Variants in SPINK1 observed in about 807,000 individuals in gnomAD.
SPINK1 encodes serine peptidase inhibitor Kazal type 1.
SPINK1 carries 5 observed loss-of-function variants against 9.5 expected under a neutral mutation model. The ratio of observed to expected loss-of-function variants is 0.52; its 90% CI spans 0.27 to 1.10. The LOEUF (loss-of-function observed/expected upper bound fraction) is 1.10, where lower values mean the gene tolerates loss of function less well. Among genes scored for constraint, SPINK1 ranks in the 50% least tolerant of loss-of-function variants. SPINK1 has a pLI of 0.11. For synonymous variants in SPINK1, 37 were observed against 32.3 expected, an observed-to-expected ratio of 1.14 and a Z score of -0.49; for missense variants, 88 against 92.7, an observed-to-expected ratio of 0.95 and a Z score of 0.21.
upstream of SPINK1, among the ~76,000 whole-genome samples, chr5:147,833,411 T>A (rs10515594): frequency 0.13 from 19,842 of 152,170 alleles, 1,377 homozygotes; most frequent in Middle Eastern, 0.22. Flanking sequence ...TGTTCCATAC[T>A]ACTATTTTGA....
chr5:147,826,116 C>T (rs1354511856), intron 3 of SPINK1, among the ~76,000 whole-genome samples: 1 of 152,068 alleles, frequency 6.6e-6, no homozygotes, highest in East Asian at 1.9e-4. Context: ...GGTACAGATT[C>T]CCTTTGAAGA....
At chr5:147,826,537 T>A (rs766429220) in intron 3 of SPINK1, among the ~76,000 whole-genome samples, 11 of 152,206 alleles carry the variant, frequency 7.2e-5, no homozygotes, top group Non-Finnish European at 1.0e-4. Context: ...AATGTTTCAC[T>A]GTAAATGTTG....
At chr5:147,829,466 C>G in intron 2 of SPINK1, 133 bp downstream of exon 2, 1 of 807,472 alleles carries the variant, frequency 1.2e-6, no homozygotes, top group Non-Finnish European at 2.1e-6. Flanking sequence ...ATTTGCATTT[C>G]TCACGTTAAC....
intron 3 of SPINK1, among the ~76,000 whole-genome samples, chr5:147,826,128 G>A (rs545508106): frequency 3.3e-5 from 5 of 152,238 alleles, no homozygotes; most frequent in South Asian, 2.1e-4. Context: ...CTTTGAAGAC[G>A]TAGAAGGAAT....
At chr5:147,837,713 C>CTTTCTTTCTTTCTTTCTTT in the SPINK1 span, among the ~76,000 whole-genome samples, 1 of 120,488 alleles carries the variant, frequency 8.3e-6, no homozygotes, top group Non-Finnish European at 1.8e-5. Context: ...TTCTTTCTTT[C>CTTTCTTTCTTTCTTTCTTT]TTTTTTGGGA....
chr5:147,837,614 T>C, the SPINK1 span, among the ~76,000 whole-genome samples: 526 of 152,226 alleles, frequency 3.5e-3, 5 homozygotes, highest in African/African-American at 0.012. Context: ...GTTCAATTTA[T>C]AGGAAATTTC....
chr5:147,824,750 G>T, intron 3 of SPINK1, 44 bp from the exon 4 acceptor site: 1 of 1,577,898 alleles, frequency 6.3e-7, no homozygotes, highest in Non-Finnish European at 8.7e-7. Flanking sequence ...AAACTTCACT[G>T]ATGAAAAAGT....
At position 147,831,517 on chromosome 5, in the gene SPINK1, A is replaced by C. The variant is rs878954613; in HGVS notation, c.55+6T>G. On this transcript the variant is annotated splice_donor_region_variant and intron_variant, in intron 1 of 3. Coordinates refer to ENST00000296695, the MANE Select transcript of SPINK1 (RefSeq NM_001379610.1). Reference sequence around the variant, plus strand: ...TATTTAAATTTGAAAAATATGCAACACTTACCAGATAGACTCAACAGGGCC... The same window carrying C: ...TATTTAAATTTGAAAAATATGCAACCCTTACCAGATAGACTCAACAGGGCC... 3.1e-6 allele frequency: 5 copies of C among 1,613,360 alleles called. No homozygotes were observed. The highest frequency in any genetic ancestry group is 4.2e-6 in the Non-Finnish European group (5 of 1,179,816).
rs377350168 is a variant in SPINK1 at position 147,824,727 on chromosome 5, A to T, written c.195-21T>A. ...GTTTCCTGCAGTAGAGATTAAAAAAAATATATCAGCTTAAACTTCACTGAT... is the reference window on the plus strand; with the variant it reads ...GTTTCCTGCAGTAGAGATTAAAAAATATATATCAGCTTAAACTTCACTGAT... On this transcript the variant is annotated intron_variant, in intron 3 of 3. Transcript: ENST00000296695. 1.7e-4 allele frequency: 271 copies of T among 1,612,640 alleles called. 1 individual carries two copies. Among genetic ancestry groups the T allele is most frequent in the Admixed American group, 5.7e-4 (34 of 59,982 alleles).
chr5:147,839,052 C>G, the SPINK1 span, among the ~76,000 whole-genome samples: 1 of 152,178 alleles, frequency 6.6e-6, no homozygotes, highest in African/African-American at 2.4e-5. Flanking sequence ...TAAAGACATA[C>G]CCAAGACTGC....
intron 3 of SPINK1, among the ~76,000 whole-genome samples, chr5:147,826,586 T>C (rs972985396): frequency 2.0e-5 from 3 of 152,202 alleles, no homozygotes; most frequent in African/African-American, 7.2e-5. Context: ...AAAGCTGTTG[T>C]TCTCTTGCTT....
the SPINK1 span, among the ~76,000 whole-genome samples, chr5:147,838,439 G>A: frequency 6.6e-6 from 1 of 152,020 alleles, no homozygotes; most frequent in Non-Finnish European, 1.5e-5. Context: ...CTGGCTTCTG[G>A]TCCCATACTC....
chr5:147,829,552 C>G (rs756674208), intron 2 of SPINK1, 47 bp downstream of exon 2: 3 of 1,593,906 alleles, frequency 1.9e-6, no homozygotes, highest in Non-Finnish European at 2.6e-6. Flanking sequence ...TTTGTTGGAT[C>G]AAACTGTTCC....
upstream of SPINK1, among the ~76,000 whole-genome samples, chr5:147,836,306 GT>G (rs1756594673): frequency 6.7e-6 from 1 of 150,352 alleles, no homozygotes; most frequent in African/African-American, 2.4e-5. Context: ...TTGTGTGTGT[GT>G]GTGTGTGTGT....
chr5:147,832,580 C>T (rs750138318), upstream of SPINK1, among the ~76,000 whole-genome samples: 10 of 152,170 alleles, frequency 6.6e-5, no homozygotes, highest in African/African-American at 1.7e-4. Flanking sequence ...CAAAAGATTT[C>T]GGGTTTTTAA....
At position 147,831,563 on chromosome 5, in the gene SPINK1, G is replaced by A. The variant is rs1202542771; in HGVS notation, c.15C>T (p.Gly5=). MKVT[G]IFLLSALALL... ...GGGCCAAGGCACTGAGAAGAAAGAT[G>A]CCTGTTACCTTCATGGCTGAAGTTC... is the stretch of plus-strand genomic sequence containing the variant. The change falls in exon 1 of 4, where the codon GGC becomes GGT. Residue 5 remains glycine (G), a synonymous_variant. Coordinates refer to ENST00000296695, the MANE Select transcript of SPINK1 (RefSeq NM_001379610.1). 2.5e-6 allele frequency: 4 copies of A among 1,613,512 alleles called. No individual in the cohort carries two copies. Among genetic ancestry groups the A allele is most frequent in the East Asian group, 4.5e-5 (2 of 44,814 alleles).
chr5:147,837,686 T>TTTCTTTC, the SPINK1 span, among the ~76,000 whole-genome samples: 5 of 147,884 alleles, frequency 3.4e-5, no homozygotes, highest in Non-Finnish European at 7.4e-5. Context: ...TCTTTCTTTC[T>TTTCTTTC]TTCTTTCTTT....
chr5:147,829,742 T>C (rs1756476621), intron 1 of SPINK1, 112 bp from the exon 2 acceptor site: 2 of 951,184 alleles, frequency 2.1e-6, no homozygotes, highest in Admixed American at 1.8e-5. Flanking sequence ...ACTAGGCTCT[T>C]TCATTCCCCA....
intron 3 of SPINK1, among the ~76,000 whole-genome samples, chr5:147,825,781 C>G (rs565658813): frequency 6.6e-6 from 1 of 152,292 alleles, no homozygotes; most frequent in Middle Eastern, 3.4e-3. Context: ...GTCCCACAAT[C>G]ATTAACTGCT....
Sources: allele counts gnomAD v4.1 joint callset (sites outside exome capture counted in the v4.1 genomes callset), GRCh38; gene constraint gnomAD v4.1.1; transcripts MANE v1.5; gene names NCBI Gene and HGNC (gene_info 2026-07-23, HGNC 2026-07-21).